Variants in CIMIP3 observed in about 807,000 individuals in gnomAD.
The protein encoded by CIMIP3 is ciliary microtubule inner protein 3.
chr6:42,159,748 T>C, the CIMIP3 span, among the ~76,000 whole-genome samples: 2 of 152,186 alleles, frequency 1.3e-5, no homozygotes, highest in Admixed American at 6.5e-5. Context: ...CCTGCTCACA[T>C]ACCACAGTGG....
At chr6:42,157,556 C>CT in the CIMIP3 span, among the ~76,000 whole-genome samples, 311 of 143,742 alleles carry the variant, frequency 2.2e-3, no homozygotes, top group African/African-American at 2.9e-3. Flanking sequence ...GCTCTTTTTT[C>CT]TTTTTTTTTT....
At chr6:42,155,490 G>A in the CIMIP3 span, 7 of 714,914 alleles carry the variant, frequency 9.8e-6, no homozygotes, top group African/African-American at 1.0e-4. Context: ...TGCAAGGTGT[G>A]ATGAAATCAC....
chr6:42,157,896 C>G, the CIMIP3 span, among the ~76,000 whole-genome samples: 5 of 152,142 alleles, frequency 3.3e-5, no homozygotes, highest in Non-Finnish European at 7.4e-5. Context: ...CAGGGTTTCT[C>G]AACCTTGGCG....
the CIMIP3 span, among the ~76,000 whole-genome samples, chr6:42,161,059 A>G: frequency 1.3e-5 from 2 of 152,156 alleles, no homozygotes; most frequent in African/African-American, 2.4e-5. Context: ...GTGGTGGCGC[A>G]TGCCTGTAAT....
At chr6:42,157,698 A>C in the CIMIP3 span, among the ~76,000 whole-genome samples, 1 of 152,100 alleles carries the variant, frequency 6.6e-6, no homozygotes. Flanking sequence ...CCAGTGAGGG[A>C]TAATTCTACC....
chr6:42,162,901 C>T, the CIMIP3 span: 1 of 613,278 alleles, frequency 1.6e-6, no homozygotes. Flanking sequence ...CAGCTCTCCC[C>T]TTCTTTCCCC....
the CIMIP3 span, among the ~76,000 whole-genome samples, chr6:42,159,379 C>T: frequency 6.6e-6 from 1 of 152,214 alleles, no homozygotes; most frequent in Non-Finnish European, 1.5e-5. Flanking sequence ...GTCACCTTCA[C>T]ACCAAGAGCC....
chr6:42,157,312 ACCT>A, the CIMIP3 span, among the ~76,000 whole-genome samples: 14 of 151,658 alleles, frequency 9.2e-5, no homozygotes, highest in African/African-American at 3.4e-4. Flanking sequence ...GCTCCCCGTA[ACCT>A]CCTCCTCCCT....
At chr6:42,160,248 CAA>C in the CIMIP3 span, among the ~76,000 whole-genome samples, 1 of 152,180 alleles carries the variant, frequency 6.6e-6, no homozygotes, top group African/African-American at 2.4e-5. Flanking sequence ...TTCAGCCTCT[CAA>C]AGTGTTGGGA....
chr6:42,162,435 C>T, the CIMIP3 span, among the ~76,000 whole-genome samples: 1 of 143,298 alleles, frequency 7.0e-6, no homozygotes, highest in Non-Finnish European at 1.5e-5. Context: ...GAGATGGAGT[C>T]TCGCTCTGTG....
chr6:42,161,174 G>A, the CIMIP3 span, among the ~76,000 whole-genome samples: 1 of 152,116 alleles, frequency 6.6e-6, no homozygotes, highest in African/African-American at 2.4e-5. Context: ...GGTAACAAGA[G>A]CGAAACTCCA....
chr6:42,157,490 T>C, the CIMIP3 span, among the ~76,000 whole-genome samples: 1 of 152,126 alleles, frequency 6.6e-6, no homozygotes, highest in Non-Finnish European at 1.5e-5. Context: ...GCTCAAGTGA[T>C]CTGCCCACCT....
the CIMIP3 span, among the ~76,000 whole-genome samples, chr6:42,161,411 G>C: frequency 1.3e-5 from 2 of 152,064 alleles, no homozygotes; most frequent in Admixed American, 6.5e-5. Context: ...TGACACACAC[G>C]CAGGATGGAT....
chr6:42,160,821 G>T, the CIMIP3 span, among the ~76,000 whole-genome samples: 1 of 152,204 alleles, frequency 6.6e-6, no homozygotes, highest in African/African-American at 2.4e-5. Context: ...ACCTGGGTAG[G>T]AACCAATAGG....
the CIMIP3 span, among the ~76,000 whole-genome samples, chr6:42,161,839 A>C: frequency 1.3e-5 from 2 of 152,110 alleles, no homozygotes; most frequent in Non-Finnish European, 2.9e-5. Flanking sequence ...TAAAACAGTA[A>C]ATAGGATTTT....
At chr6:42,157,111 C>T in the CIMIP3 span, among the ~76,000 whole-genome samples, 1 of 152,234 alleles carries the variant, frequency 6.6e-6, no homozygotes, top group South Asian at 2.1e-4. Context: ...CATGCACTTC[C>T]TCACTCTAAA....
At chr6:42,161,140 A>G in the CIMIP3 span, among the ~76,000 whole-genome samples, 1 of 152,180 alleles carries the variant, frequency 6.6e-6, no homozygotes. Context: ...GTGAGCTGAG[A>G]TTGCATCCTT....
the CIMIP3 span, among the ~76,000 whole-genome samples, chr6:42,158,500 G>T: frequency 2.4e-4 from 36 of 152,322 alleles, no homozygotes; most frequent in Middle Eastern, 3.4e-3. Flanking sequence ...TCTAAACACA[G>T]CCGAGGTGTG....
the CIMIP3 span, among the ~76,000 whole-genome samples, chr6:42,157,690 A>G: frequency 6.6e-6 from 1 of 152,004 alleles, no homozygotes; most frequent in Non-Finnish European, 1.5e-5. Context: ...ACGCTGGCCC[A>G]GTGAGGGATA....
Sources: allele counts gnomAD v4.1 joint callset (sites outside exome capture counted in the v4.1 genomes callset), GRCh38; gene constraint gnomAD v4.1.1; transcripts MANE v1.5; gene names NCBI Gene and HGNC (gene_info 2026-07-23, HGNC 2026-07-21).